Variants in TRIM9 observed in about 807,000 individuals in gnomAD.
TRIM9 encodes E3 ubiquitin-protein ligase TRIM9.
A neutral mutation model predicts 78.3 loss-of-function variants in TRIM9; 26 were observed. That is an observed-to-expected ratio of 0.33 (90% confidence interval 0.24 to 0.46). The LOEUF (loss-of-function observed/expected upper bound fraction) is 0.46, where lower values mean the gene tolerates loss of function less well. Ranked by LOEUF, TRIM9 falls within the 20% of genes least tolerant of loss-of-function variation. The pLI is 1.00. For synonymous variants in TRIM9, 398 were observed against 416.5 expected (o/e 0.96, Z 0.54); for missense variants, 787 against 1,036.4 (o/e 0.76, Z 3.30).
intron 7 of TRIM9, chr14:50,997,424 T>C: frequency 1.0e-6 from 1 of 985,382 alleles, no homozygotes; most frequent in Non-Finnish European, 1.2e-6. Context: ...TAATGCGAAG[T>C]TGCTGGTCTC....
chr14:51,034,166 C>G (rs1242872597), intron 1 of TRIM9, among the ~76,000 whole-genome samples: 1 of 152,130 alleles, frequency 6.6e-6, no homozygotes, highest in Non-Finnish European at 1.5e-5. Flanking sequence ...TTTTTGGCTT[C>G]TAAGGCTTTC....
At chr14:51,050,937 G>A (rs2060364997) in intron 1 of TRIM9, among the ~76,000 whole-genome samples, 1 of 152,196 alleles carries the variant, frequency 6.6e-6, no homozygotes, top group African/African-American at 2.4e-5. Context: ...GTATCTGAAT[G>A]CAACCTCACG....
At position 51,095,035 on chromosome 14, in the gene TRIM9, G is replaced by C; in HGVS notation, c.-96C>G. 1 of 952,388 alleles carries C rather than the reference G, an allele frequency of 1.0e-6. No homozygotes were observed. The highest frequency in any genetic ancestry group is 1.4e-6 in the Non-Finnish European group (1 of 711,876). The allele number at this position is 952,388 out of a possible 1,614,324, so 59.0% of individuals were successfully genotyped here. On this transcript the variant is annotated 5_prime_UTR_variant, in exon 1 of 13. Transcript: ENST00000684578. ...CGTCTTGTCCAGCACCCTGGCCAGC[G>C]GCGGCGGCTGTGGTGGTGGTGCCTT...
chr14:51,060,444 T>C (rs1383145807), intron 1 of TRIM9, among the ~76,000 whole-genome samples: 1 of 152,088 alleles, frequency 6.6e-6, no homozygotes, highest in East Asian at 1.9e-4. Context: ...TTGAGACTCA[T>C]TCTTATTTAT....
intron 1 of TRIM9, among the ~76,000 whole-genome samples, chr14:51,056,068 C>T (rs1363874064): frequency 6.6e-6 from 1 of 152,208 alleles, no homozygotes; most frequent in African/African-American, 2.4e-5. Flanking sequence ...TCACCCATGT[C>T]TCTGATGTTT....
In TRIM9 at chr14:51,060,593, A is replaced by G. The variant is rs573332918; in HGVS notation, c.822+33525T>C. ...ACCATTCTCCTGCCTCAGCCTCCCA[A>G]GTAGCTGGAACTACAGGCGCCTGCC... On this transcript the variant is annotated intron_variant, in intron 1 of 12. Transcript: ENST00000684578. Among the ~76,000 whole-genome samples, 3 of 152,206 alleles carry G rather than the reference A, an allele frequency of 2.0e-5. No individual in the cohort carries two copies. In the East Asian group the frequency reaches 5.8e-4, roughly 29 times the overall value.
intron 12 of TRIM9, among the ~76,000 whole-genome samples, chr14:50,977,799 G>T (rs932316091): frequency 6.6e-6 from 1 of 152,150 alleles, no homozygotes; most frequent in African/African-American, 2.4e-5. Context: ...TCGCATAGAT[G>T]ATTGCCAGTT....
chr14:50,983,292 A>T, intron 9 of TRIM9, 88 bp downstream of exon 9: 1 of 1,120,432 alleles, frequency 8.9e-7, no homozygotes, highest in East Asian at 2.6e-5. Flanking sequence ...TTTTATTGAC[A>T]TAAGACAAGT....
chr14:51,069,150 T>G (rs947527465), intron 1 of TRIM9, among the ~76,000 whole-genome samples: 2 of 152,056 alleles, frequency 1.3e-5, no homozygotes, highest in African/African-American at 2.4e-5. Flanking sequence ...TCTGAGAGAG[T>G]TGGGCCTTCT....
At chr14:51,083,336 C>T (rs923688347) in intron 1 of TRIM9, among the ~76,000 whole-genome samples, 1 of 152,090 alleles carries the variant, frequency 6.6e-6, no homozygotes, top group Non-Finnish European at 1.5e-5. Flanking sequence ...ACTGTAATCT[C>T]GAACTCCTGG....
intron 1 of TRIM9, among the ~76,000 whole-genome samples, chr14:51,044,741 C>A (rs1183726031): frequency 6.6e-6 from 1 of 152,164 alleles, no homozygotes; most frequent in African/African-American, 2.4e-5. Flanking sequence ...TTTAAGCCAA[C>A]CTTGTTTTGT....
chr14:51,033,695 G>T (rs999049925), intron 1 of TRIM9, among the ~76,000 whole-genome samples: 27 of 152,152 alleles, frequency 1.8e-4, no homozygotes, highest in African/African-American at 6.3e-4. Flanking sequence ...TTTGTCACAA[G>T]AATCAGTGGT....
intron 12 of TRIM9, chr14:50,978,756 CTGTT>C: frequency 3.5e-6 from 1 of 288,382 alleles, no homozygotes; most frequent in Non-Finnish European, 4.6e-6. Flanking sequence ...AGATTTTTAT[CTGTT>C]TTTTTGTTTT....
At chr14:51,071,589 G>A (rs906963090) in intron 1 of TRIM9, among the ~76,000 whole-genome samples, 1 of 151,528 alleles carries the variant, frequency 6.6e-6, no homozygotes, top group Non-Finnish European at 1.5e-5. Context: ...GATCGCTTGA[G>A]CTCAGGAGTT....
At chr14:51,053,557 AT>A (rs1195234122) in intron 1 of TRIM9, among the ~76,000 whole-genome samples, 4 of 62,614 alleles carry the variant, frequency 6.4e-5, no homozygotes, top group East Asian at 4.9e-4. Flanking sequence ...TTATTTATTT[AT>A]TTTTTTTTAC....
At chr14:51,034,265 T>A (rs1174109381) in intron 1 of TRIM9, among the ~76,000 whole-genome samples, 1 of 152,216 alleles carries the variant, frequency 6.6e-6, no homozygotes, top group African/African-American at 2.4e-5. Flanking sequence ...TAGCACTCTA[T>A]GTGCCAGGAC....
rs1247257867 is a variant in TRIM9 at position 51,094,178 on chromosome 14, C to T, written c.762G>A (p.Glu254=). The T allele has an allele frequency of 3.7e-6, 6 of 1,614,136 alleles. No homozygotes were observed. The East Asian group carries it at 6.7e-5, about 18-fold the overall frequency. Reference sequence around the variant, plus strand: ...CTTCGTGGCTGGAGTGTTTGCCCTCCTCCAAGCACTGGTAGCACACGGGCA... The same window carrying T: ...CTTCGTGGCTGGAGTGTTTGCCCTCTTCCAAGCACTGGTAGCACACGGGCA... ...CKMPVCYQCL[E]EGKHSSHEVK... Residue 254 remains glutamate (E), a synonymous_variant, in exon 1 of 13, where the codon GAG becomes GAA. Transcript: ENST00000684578.
In TRIM9 at chr14:50,979,520, G is replaced by A; in HGVS notation, c.2192C>T (p.Thr731Ile). The change falls in exon 12 of 13, where the codon ACA becomes ATA. Residue 731 changes from threonine (T) to isoleucine (I), a missense_variant. Thr to Ile is a moderately conservative substitution (Grantham distance 89, BLOSUM62 -1). Transcript: ENST00000684578. Reference sequence around the variant, plus strand: ...ATTTAAGTCGAGGAGGACCCCAATTGTGGCCCCTTTTGTGATCCCTCCCTC... The same window carrying A: ...ATTTAAGTCGAGGAGGACCCCAATTATGGCCCCTTTTGTGATCCCTCCCTC... The part of the protein sequence containing the change: ...RTEGGITKGA[T>I]IGVLLDLNRK... 1.2e-6 allele frequency: 2 copies of A among 1,614,112 alleles called. No individual in the cohort carries two copies. The highest frequency in any genetic ancestry group is 8.5e-7 in the Non-Finnish European group (1 of 1,180,022).
chr14:50,990,977 G>A (rs28715723), intron 7 of TRIM9, among the ~76,000 whole-genome samples: 24,503 of 152,144 alleles, frequency 0.16, 2,106 homozygotes, highest in Middle Eastern at 0.25. Context: ...TATAATAAAA[G>A]GTGGTATTTT....
Sources: gnomAD v4.1 joint callset for allele counts (sites outside exome capture counted in the v4.1 genomes callset) on GRCh38, gnomAD v4.1.1 for gene constraint, MANE v1.5 for transcripts, NCBI Gene and HGNC (gene_info 2026-07-23, HGNC 2026-07-21) for gene names.